INPP4A: variants seen among roughly 807,000 people sequenced by gnomAD.
INPP4A encodes the protein inositol polyphosphate-4-phosphatase type I A, also known as inositol polyphosphate-4-phosphatase, type I, 107kD.
A neutral mutation model predicts 119.8 loss-of-function variants in INPP4A; 33 were observed. The observed-to-expected ratio is 0.28, with a 90% CI of 0.21 to 0.37. INPP4A has a LOEUF of 0.37. Ranked by LOEUF, INPP4A falls within the 10% of genes least tolerant of loss-of-function variation. INPP4A has a pLI of 1.00. For missense variants in INPP4A, 956 were observed against 1,289.9 expected (o/e 0.74, Z 3.97); for synonymous variants, 496 against 500.7 (o/e 0.99, Z 0.12).
chr2:98,446,596 G>A (rs1327016834), intron 1 of INPP4A, among the ~76,000 whole-genome samples: 2 of 152,276 alleles, frequency 1.3e-5, no homozygotes, highest in African/African-American at 4.8e-5. Flanking sequence ...TAAAGAAATG[G>A]ATGTGGACAA....
chr2:98,527,776 A>G (rs1480210074), intron 4 of INPP4A, among the ~76,000 whole-genome samples: 3 of 152,218 alleles, frequency 2.0e-5, no homozygotes, highest in Non-Finnish European at 4.4e-5. Context: ...TCCAACCATT[A>G]TCTGACTACT....
chr2:98,566,239 C>T lies in INPP4A; in HGVS notation c.2420+70C>T. Reference sequence around the variant, plus strand: ...AGATGATGCAGAAAACGTACTTACCCCTCTTCAGGCTCTAAGTGCTGGACA... The same window carrying T: ...AGATGATGCAGAAAACGTACTTACCTCTCTTCAGGCTCTAAGTGCTGGACA... On this transcript the variant is annotated intron_variant, in intron 21 of 24. Coordinates refer to ENST00000409851, the MANE Select transcript of INPP4A (RefSeq NM_001134225.2). The surrounding 1 kb of genome is among the most constrained non-coding windows in gnomAD (Gnocchi z 4.2). 7.0e-7 allele frequency: 1 copy of T among 1,438,226 alleles called. No individual in the cohort carries two copies. The highest frequency in any genetic ancestry group is 2.5e-5 in the East Asian group (1 of 39,828). 89.1% of individuals were successfully genotyped at this position (1,438,226 alleles called of 1,614,324 possible). A position where few individuals can be genotyped will look rare whatever the true frequency, so the allele number is the denominator to read the frequency against.
chr2:98,526,823 C>T (rs894386756), intron 4 of INPP4A, among the ~76,000 whole-genome samples: 5 of 152,226 alleles, frequency 3.3e-5, no homozygotes, highest in East Asian at 3.9e-4. Context: ...GAAGGAAAAG[C>T]GGGAGCGAGC....
chr2:98,542,529 T>C (rs1691659177), intron 10 of INPP4A, among the ~76,000 whole-genome samples: 3 of 152,256 alleles, frequency 2.0e-5, no homozygotes, highest in Admixed American at 2.0e-4. Flanking sequence ...TGTTTACTGA[T>C]GTATTTCCAC....
At chr2:98,530,012 AGAG>A (rs1310993227) in intron 4 of INPP4A, among the ~76,000 whole-genome samples, 9 of 152,172 alleles carry the variant, frequency 5.9e-5, no homozygotes, top group Non-Finnish European at 1.3e-4. Flanking sequence ...AGAGCTGGAA[AGAG>A]GAGTAGCAGC....
intron 10 of INPP4A, among the ~76,000 whole-genome samples, chr2:98,541,443 A>T (rs1691439954): frequency 6.6e-6 from 1 of 152,138 alleles, no homozygotes; most frequent in African/African-American, 2.4e-5. Context: ...ATATTTTAAT[A>T]TTTTAATTAT....
In INPP4A at chr2:98,588,812, CTGTTTACGA is replaced by C. The variant is rs1700173995; in HGVS notation, c.*1212_*1220del. 4.5e-6 allele frequency: 1 copy of C among 220,270 alleles called. No individual in the cohort carries two copies. Among genetic ancestry groups the C allele is most frequent in the South Asian group, 1.8e-4 (1 of 5,428 alleles). 13.6% of individuals were successfully genotyped at this position (220,270 alleles called of 1,614,324 possible). A position where few individuals can be genotyped will look rare whatever the true frequency, so the allele number is the denominator to read the frequency against. ...TAGGAGTTTATATGTTTTATTGATT[CTGTTTACGA>C]TGTTTACATGTTCTTGAAAAGGTTG... On this transcript the variant is annotated 3_prime_UTR_variant, in exon 25 of 25. Transcript: ENST00000409851.
At chr2:98,548,916 A>C (rs1692975094) in intron 13 of INPP4A, 2 of 1,588,014 alleles carry the variant, frequency 1.3e-6, no homozygotes, top group African/African-American at 2.7e-5. Context: ...ATTTGCTAAC[A>C]AACTGCTAAT....
At chr2:98,491,873 A>G (rs1466598407) in intron 1 of INPP4A, among the ~76,000 whole-genome samples, 1 of 151,144 alleles carries the variant, frequency 6.6e-6, no homozygotes, top group Non-Finnish European at 1.5e-5. Context: ...TCATAAGTTC[A>G]AAATATCATA....
intron 1 of INPP4A, among the ~76,000 whole-genome samples, chr2:98,498,781 T>G (rs1267685771): frequency 6.6e-6 from 1 of 152,194 alleles, no homozygotes; most frequent in South Asian, 2.1e-4. Flanking sequence ...ATAGAACTGG[T>G]GTCCTTATAA....
intron 16 of INPP4A, 90 bp downstream of exon 16, chr2:98,555,898 C>G: frequency 2.8e-6 from 4 of 1,435,510 alleles, no homozygotes; most frequent in Non-Finnish European, 3.7e-6. Context: ...ATGCCCTCCT[C>G]CCCCATGCAG....
rs745306969 is a variant in INPP4A at position 98,575,529 on chromosome 2, G to A, written c.2632-1460G>A. ...GGGTCTGCTTATCTGCTTAGGGCCT[G>A]TTATTTTTTTTTCTTTCTTTTTGTT... On this transcript the variant is annotated intron_variant, in intron 23 of 24. Coordinates refer to ENST00000409851, the MANE Select transcript of INPP4A (RefSeq NM_001134225.2). 1.7e-4 allele frequency among the ~76,000 whole-genome samples: 26 copies of A among 152,154 alleles called. 2 individuals are homozygous for A. The highest frequency in any genetic ancestry group is 3.5e-4 in the Non-Finnish European group (24 of 68,022).
intron 1 of INPP4A, among the ~76,000 whole-genome samples, chr2:98,453,559 C>T (rs1473512560): frequency 6.6e-6 from 1 of 152,130 alleles, no homozygotes; most frequent in Non-Finnish European, 1.5e-5. Flanking sequence ...GGGTCCTAAC[C>T]TGTAGGAAGG....
intron 1 of INPP4A, among the ~76,000 whole-genome samples, chr2:98,490,772 G>A (rs1680563521): frequency 6.6e-6 from 1 of 152,214 alleles, no homozygotes; most frequent in East Asian, 1.9e-4. Context: ...CCTGCAGCTG[G>A]TGGGGATGGA....
chr2:98,480,079 C>T (rs952833390), intron 1 of INPP4A, among the ~76,000 whole-genome samples: 32 of 152,246 alleles, frequency 2.1e-4, no homozygotes, highest in African/African-American at 7.5e-4. Flanking sequence ...TTGCCAGCAC[C>T]TCCTCTGCTG....
intron 16 of INPP4A, among the ~76,000 whole-genome samples, chr2:98,557,248 C>T (rs1390042469): frequency 1.3e-5 from 2 of 152,082 alleles, no homozygotes; most frequent in Non-Finnish European, 1.5e-5. Flanking sequence ...CTTGCGTGTG[C>T]CATAAAAATC....
intron 23 of INPP4A, among the ~76,000 whole-genome samples, chr2:98,575,177 G>C (rs1316913534): frequency 6.6e-6 from 1 of 152,242 alleles, no homozygotes; most frequent in Non-Finnish European, 1.5e-5. Context: ...TCTTTAGTCA[G>C]GTCTAAGCCT....
chr2:98,490,438 T>C (rs1680469507), intron 1 of INPP4A, among the ~76,000 whole-genome samples: 1 of 152,004 alleles, frequency 6.6e-6, no homozygotes, highest in Admixed American at 6.5e-5. Context: ...TGGGAGGAGC[T>C]GTGTCCATCC....
At chr2:98,576,843 A>G in intron 23 of INPP4A, 146 bp from the exon 24 acceptor site, 4 of 934,682 alleles carry the variant, frequency 4.3e-6, no homozygotes, top group East Asian at 2.7e-5. Context: ...GAGTTGGGGA[A>G]CAAAATTGGA....
Sources: allele counts gnomAD v4.1 joint callset (sites outside exome capture counted in the v4.1 genomes callset), GRCh38; gene constraint gnomAD v4.1.1; non-coding constraint Gnocchi (gnomAD v3.1); transcripts MANE v1.5; gene names NCBI Gene and HGNC (gene_info 2026-07-23, HGNC 2026-07-21).